DLGAP2: variants seen among roughly 807,000 people sequenced by gnomAD.
DLGAP2 encodes the protein DLG associated protein 2.
In DLGAP2, 26 loss-of-function variants were observed where a neutral mutation model predicts 100.3. The ratio of observed to expected loss-of-function variants is 0.26; its 90% CI spans 0.19 to 0.36. The LOEUF is 0.36. Ranked by LOEUF, DLGAP2 falls within the 10% of genes least tolerant of loss-of-function variation. The pLI, the probability that DLGAP2 is intolerant of heterozygous loss-of-function variation, is 1.00. For missense variants in DLGAP2, 1,858 were observed against 1,453.2 expected, an observed-to-expected ratio of 1.28 and a Z score of -4.53; for synonymous variants, 886 against 630.1, an observed-to-expected ratio of 1.41 and a Z score of -6.08.
chr8:1,435,964 G>C (rs1242742340), intron 3 of DLGAP2, among the ~76,000 whole-genome samples: 2 of 152,150 alleles, frequency 1.3e-5, no homozygotes, highest in Non-Finnish European at 2.9e-5. Context: ...GCTGTACAAT[G>C]CATTTGTGTT....
intron 3 of DLGAP2, among the ~76,000 whole-genome samples, chr8:1,345,322 C>G (rs1801530776): frequency 7.1e-6 from 1 of 141,366 alleles, no homozygotes; most frequent in South Asian, 2.3e-4. Flanking sequence ...TGCGGTTGTT[C>G]TGTTTCTCTT....
At chr8:1,172,663 C>T (rs187667724) in intron 2 of DLGAP2, among the ~76,000 whole-genome samples, 1 of 152,152 alleles carries the variant, frequency 6.6e-6, no homozygotes. Flanking sequence ...CCCTTTCTTC[C>T]AGTTGATCAC....
chr8:1,595,165 C>G (rs1268879331), intron 6 of DLGAP2, among the ~76,000 whole-genome samples: 1 of 152,094 alleles, frequency 6.6e-6, no homozygotes, highest in Non-Finnish European at 1.5e-5. Context: ...CTCAACCTCC[C>G]GAGTGGCTGG....
intron 2 of DLGAP2, among the ~76,000 whole-genome samples, chr8:979,562 A>C (rs1363021439): frequency 1.3e-5 from 2 of 152,236 alleles, no homozygotes; most frequent in East Asian, 3.9e-4. Context: ...CTGTGTGGGC[A>C]GGTTTTGCAC....
intron 1 of DLGAP2, among the ~76,000 whole-genome samples, chr8:769,783 C>A (rs1223324253): frequency 6.6e-6 from 1 of 152,104 alleles, no homozygotes; most frequent in Non-Finnish European, 1.5e-5. Context: ...TTAAAAATGA[C>A]AACTCAATGG....
At chr8:755,302 T>C (rs1432144344) in intron 1 of DLGAP2, among the ~76,000 whole-genome samples, 2 of 151,966 alleles carry the variant, frequency 1.3e-5, no homozygotes, top group Non-Finnish European at 2.9e-5. Context: ...CTACAAAAAA[T>C]ACTCAAATTA....
At chr8:948,911 C>G (rs1799402670) in intron 2 of DLGAP2, among the ~76,000 whole-genome samples, 2 of 150,756 alleles carry the variant, frequency 1.3e-5, no homozygotes, top group Admixed American at 1.3e-4. Flanking sequence ...GTGGGCGTGA[C>G]TGCCGCCATC....
chr8:1,276,577 C>T (rs1283263553), intron 3 of DLGAP2, among the ~76,000 whole-genome samples: 1 of 151,962 alleles, frequency 6.6e-6, no homozygotes, highest in Non-Finnish European at 1.5e-5. Context: ...ACATTAAGTG[C>T]GGTTTGAGTA....
At chr8:894,002 G>A (rs183285391) in intron 1 of DLGAP2, among the ~76,000 whole-genome samples, 26 of 152,240 alleles carry the variant, frequency 1.7e-4, no homozygotes, top group Non-Finnish European at 1.9e-4. Context: ...CACCCAGGCC[G>A]TGTGGCTCAG....
At chr8:781,213 T>C (rs1344230958) in intron 1 of DLGAP2, among the ~76,000 whole-genome samples, 1 of 152,222 alleles carries the variant, frequency 6.6e-6, no homozygotes, top group Non-Finnish European at 1.5e-5. Context: ...CTCGGGATGG[T>C]ATACCTGATA....
At chr8:888,152 A>G (rs948265015) in intron 1 of DLGAP2, among the ~76,000 whole-genome samples, 1 of 152,146 alleles carries the variant, frequency 6.6e-6, no homozygotes, top group African/African-American at 2.4e-5. Context: ...AAACTCTGAT[A>G]TCCTCTCTTC....
intron 4 of DLGAP2, among the ~76,000 whole-genome samples, chr8:1,518,601 G>A (rs139242481): frequency 1.1e-4 from 16 of 152,092 alleles, no homozygotes; most frequent in Non-Finnish European, 1.6e-4. Context: ...TGGTGATTTC[G>A]GCCCAGACAC....
intron 2 of DLGAP2, among the ~76,000 whole-genome samples, chr8:1,096,325 G>T (rs1408320134): frequency 6.6e-6 from 1 of 152,224 alleles, no homozygotes; most frequent in Non-Finnish European, 1.5e-5. Context: ...AGGTTTGTGT[G>T]TGGGCTCAGG....
intron 2 of DLGAP2, among the ~76,000 whole-genome samples, chr8:1,203,280 G>T (rs113779643): frequency 6.7e-6 from 1 of 149,174 alleles, no homozygotes; most frequent in Non-Finnish European, 1.5e-5. Flanking sequence ...TGATGAGGCC[G>T]CCCACCCCTC....
At chr8:1,619,998 TG>T (rs1797275643) in intron 6 of DLGAP2, 1 of 152,208 alleles carries the variant, frequency 6.6e-6, no homozygotes, top group Non-Finnish European at 1.5e-5. Flanking sequence ...GTCTTTCCCA[TG>T]GTGTCTTATT....
chr8:744,650 C>T (rs992550863), intron 1 of DLGAP2, among the ~76,000 whole-genome samples: 2 of 151,524 alleles, frequency 1.3e-5, no homozygotes, highest in Non-Finnish European at 2.9e-5. Flanking sequence ...TGGCTGTCTG[C>T]TCCCCACGGT....
At chr8:1,358,785 C>T (rs1801912181) in intron 3 of DLGAP2, among the ~76,000 whole-genome samples, 1 of 152,040 alleles carries the variant, frequency 6.6e-6, no homozygotes, top group Admixed American at 6.6e-5. Context: ...CGGGGCTGGG[C>T]GGCCTGGAAC....
chr8:1,364,848 C>T (rs1802073269), intron 3 of DLGAP2, among the ~76,000 whole-genome samples: 1 of 152,194 alleles, frequency 6.6e-6, no homozygotes, highest in Admixed American at 6.5e-5. Flanking sequence ...TTTGCGTTTG[C>T]TGATCAGCCT....
intron 2 of DLGAP2, among the ~76,000 whole-genome samples, chr8:1,210,038 C>T (rs937180927): frequency 2.9e-4 from 44 of 149,160 alleles, no homozygotes; most frequent in African/African-American, 1.0e-3. Context: ...TCATCCACCT[C>T]GCCCCAGTGT....
Sources: gnomAD v4.1 joint callset for allele counts (sites outside exome capture counted in the v4.1 genomes callset) on GRCh38, gnomAD v4.1.1 for gene constraint, MANE v1.5 for transcripts, NCBI Gene and HGNC (gene_info 2026-07-23, HGNC 2026-07-21) for gene names.